The following PRKCH variants were observed in gnomAD, a reference collection of about 807,000 sequenced individuals.
The protein encoded by PRKCH is protein kinase C eta, also known as protein kinase C eta type.
A neutral mutation model predicts 82.5 loss-of-function variants in PRKCH; 28 were observed. The observed-to-expected ratio is 0.34, with a 90% CI of 0.25 to 0.47. The LOEUF (loss-of-function observed/expected upper bound fraction) is 0.47, where lower values mean the gene tolerates loss of function less well. PRKCH is among the 20% of genes least tolerant of loss of function. The pLI, the probability that PRKCH is intolerant of heterozygous loss-of-function variation, is 1.00. For missense variants in PRKCH, 705 were observed against 881.8 expected, an observed-to-expected ratio of 0.80 and a Z score of 2.54; for synonymous variants, 322 against 327.4, an observed-to-expected ratio of 0.98 and a Z score of 0.18.
rs746043886 is a variant in PRKCH at position 61,453,352 on chromosome 14, C to T, written c.959C>T (p.Ser320Leu). Residue 320 changes from serine (S) to leucine (L), a missense_variant and splice_region_variant, in exon 7 of 14, where the codon TCG becomes TTG. Physicochemically the swap from Ser to Leu is moderately radical, Grantham distance 145. Transcript: ENST00000332981. Reference protein sequence around the residue: ...GLQPGNISPTSKLVSRSTLRR... With the variant: ...GLQPGNISPTLKLVSRSTLRR... ...CAACCCGGAAATATTTCTCCAACCT[C>T]GGTGAGACTTTGCTTTTTTTCCATG... 11 of 1,611,526 alleles carry T rather than the reference C, an allele frequency of 6.8e-6. No individual in the cohort carries two copies. Among genetic ancestry groups the T allele is most frequent in the African/African-American group, 6.7e-5 (5 of 74,778 alleles).
At chr14:61,352,161 C>T (rs1248796353) in intron 1 of PRKCH, among the ~76,000 whole-genome samples, 1 of 152,196 alleles carries the variant, frequency 6.6e-6, no homozygotes, top group Non-Finnish European at 1.5e-5. Flanking sequence ...ACAAAAGAAT[C>T]AGGCCATTAA....
At chr14:61,408,173 G>A (rs111897966) in intron 2 of PRKCH, among the ~76,000 whole-genome samples, 1,596 of 152,258 alleles carry the variant, frequency 0.01, 29 homozygotes, top group African/African-American at 0.036. Flanking sequence ...CCATACAGGC[G>A]TCTCTCTTGC....
intron 1 of PRKCH, among the ~76,000 whole-genome samples, chr14:61,236,602 G>C (rs568232416): frequency 6.6e-6 from 1 of 151,860 alleles, no homozygotes; most frequent in South Asian, 2.1e-4. Flanking sequence ...CAGCTACTTG[G>C]GAGGCTGAGG....
intron 1 of PRKCH, among the ~76,000 whole-genome samples, chr14:61,342,573 G>GT (rs139607170): frequency 2.0e-5 from 3 of 152,272 alleles, no homozygotes; most frequent in Non-Finnish European, 4.4e-5. Context: ...TGAAGCCTTT[G>GT]TTTTTTCAGA....
intron 1 of PRKCH, among the ~76,000 whole-genome samples, chr14:61,199,653 T>G (rs2044464931): frequency 6.6e-6 from 1 of 152,084 alleles, no homozygotes; most frequent in Non-Finnish European, 1.5e-5. Flanking sequence ...CTTTGATAAT[T>G]TGATTTATTA....
chr14:61,506,967 G>A (rs1408456115), intron 10 of PRKCH, among the ~76,000 whole-genome samples: 2 of 152,274 alleles, frequency 1.3e-5, no homozygotes, highest in South Asian at 4.1e-4. Flanking sequence ...CTAAAAAGCT[G>A]CTGCATAGGA....
chr14:61,489,848 C>T (rs144904996), intron 10 of PRKCH, among the ~76,000 whole-genome samples: 3 of 152,326 alleles, frequency 2.0e-5, no homozygotes, highest in East Asian at 3.9e-4. Context: ...CAGCATGTTT[C>T]ATCAACTGTA....
intron 2 of PRKCH, among the ~76,000 whole-genome samples, chr14:61,400,522 G>A (rs1190311403): frequency 1.3e-5 from 2 of 152,176 alleles, no homozygotes; most frequent in Non-Finnish European, 2.9e-5. Flanking sequence ...GGGAATGGGA[G>A]AATAGGAACT....
chr14:61,197,354 C>G (rs1247077701), intron 1 of PRKCH, among the ~76,000 whole-genome samples: 1 of 152,100 alleles, frequency 6.6e-6, no homozygotes, highest in African/African-American at 2.4e-5. Context: ...ATGTTTTATT[C>G]TTTTTTCTTA....
intron 1 of PRKCH, among the ~76,000 whole-genome samples, chr14:61,213,075 G>A (rs1266442487): frequency 2.0e-5 from 3 of 152,166 alleles, no homozygotes; most frequent in African/African-American, 7.2e-5. Flanking sequence ...ACAGGGACAG[G>A]CAGGAGGGGA....
chr14:61,492,622 C>T (rs1356874751), intron 10 of PRKCH, among the ~76,000 whole-genome samples: 1 of 152,236 alleles, frequency 6.6e-6, no homozygotes, highest in Admixed American at 6.5e-5. Context: ...TACTCCATTG[C>T]AGTGAGAAAA....
chr14:61,203,896 G>A (rs578152895), intron 1 of PRKCH, among the ~76,000 whole-genome samples: 11 of 152,096 alleles, frequency 7.2e-5, no homozygotes, highest in Admixed American at 6.5e-4. Flanking sequence ...CACATGTGGT[G>A]CACACACAAA....
At chr14:61,481,493 G>T (rs896420143) in intron 9 of PRKCH, among the ~76,000 whole-genome samples, 18 of 152,186 alleles carry the variant, frequency 1.2e-4, no homozygotes, top group African/African-American at 4.3e-4. Flanking sequence ...GACTCCCATT[G>T]CCTAAACAAG....
At chr14:61,400,541 G>C (rs192708521) in intron 2 of PRKCH, among the ~76,000 whole-genome samples, 8 of 152,250 alleles carry the variant, frequency 5.3e-5, no homozygotes, top group African/African-American at 1.9e-4. Context: ...CTGGAAACGG[G>C]CGAATGATGT....
chr14:61,541,348 G>A (rs2043182502), intron 12 of PRKCH, among the ~76,000 whole-genome samples: 1 of 152,244 alleles, frequency 6.6e-6, no homozygotes, highest in Non-Finnish European at 1.5e-5. Flanking sequence ...GAGGTTGGGC[G>A]TCATGGCTGT....
intron 1 of PRKCH, among the ~76,000 whole-genome samples, chr14:61,373,458 A>C (rs1248529981): frequency 6.6e-6 from 1 of 152,006 alleles, no homozygotes; most frequent in Non-Finnish European, 1.5e-5. Context: ...ACTTCCCAGC[A>C]GCCCCTCCCC....
chr14:61,387,202 T>C (rs1177144404), intron 1 of PRKCH, among the ~76,000 whole-genome samples: 1 of 152,206 alleles, frequency 6.6e-6, no homozygotes, highest in Non-Finnish European at 1.5e-5. Flanking sequence ...CCTGAACCAG[T>C]AGATGCTGAT....
intron 9 of PRKCH, among the ~76,000 whole-genome samples, chr14:61,476,912 A>C (rs1012763961): frequency 1.3e-5 from 2 of 152,132 alleles, no homozygotes; most frequent in African/African-American, 4.8e-5. Flanking sequence ...TTCTTCCTTG[A>C]AGCCTTTGTA....
rs142327717 is a variant in PRKCH at position 61,482,111 on chromosome 14, C to T, written c.1279-3391C>T. Among the ~76,000 whole-genome samples, 73 of 150,962 alleles carry T rather than the reference C, an allele frequency of 4.8e-4. 1 individual carries two copies. In the East Asian group the frequency reaches 0.014, roughly 30 times the overall value. On this transcript the variant is annotated intron_variant, in intron 9 of 13. Transcript: ENST00000332981. ...CCGGGTTCAAGTGATTCTCCTGCCT[C>T]AGCCTCCCAAGTAGCTGGAATTAGA...
Sources: gnomAD v4.1 joint callset for allele counts (sites outside exome capture counted in the v4.1 genomes callset) on GRCh38, gnomAD v4.1.1 for gene constraint, MANE v1.5 for transcripts, NCBI Gene and HGNC (gene_info 2026-07-23, HGNC 2026-07-21) for gene names.